SV2B: variants seen among roughly 807,000 people sequenced by gnomAD.
The protein encoded by SV2B is solute carrier family 22 member B2.
A neutral mutation model predicts 73.9 loss-of-function variants in SV2B; 41 were observed. That is an observed-to-expected ratio of 0.56 (90% CI 0.43 to 0.72). The LOEUF is 0.72. Ranked by LOEUF, SV2B falls within the 30% of genes least tolerant of loss-of-function variation. The probability of loss-of-function intolerance (pLI) is 0.00; values close to 1 mark genes in which losing one functional copy is unlikely to be tolerated. For missense variants in SV2B, 764 were observed against 857.8 expected, an observed-to-expected ratio of 0.89 and a Z score of 1.37; for synonymous variants, 314 against 314.2, an observed-to-expected ratio of 1.00 and a Z score of 0.01.
Position 91,176,293 on chromosome 15 carries a change from T to C in SV2B, c.-391-49580T>C, listed in dbSNP as rs1382612427. 8.5e-5 allele frequency among the ~76,000 whole-genome samples: 13 copies of C among 152,290 alleles called. No individual in the cohort carries two copies. The East Asian group carries it at 2.1e-3, about 25-fold the overall frequency. ...ATTTTCTTAATACAGTCTATCATTG[T>C]TGGACATTTGGGTTGGTTCCAAGTC... On this transcript the variant is annotated intron_variant, in intron 1 of 12. Transcript: ENST00000394232.
intron 1 of SV2B, among the ~76,000 whole-genome samples, chr15:91,107,237 G>C (rs562278899): frequency 6.6e-6 from 1 of 152,328 alleles, no homozygotes; most frequent in Non-Finnish European, 1.5e-5. Flanking sequence ...GGATGGAGCA[G>C]TGGGCTTTAG....
At chr15:91,213,261 T>A (rs1173550202) in intron 1 of SV2B, among the ~76,000 whole-genome samples, 2 of 152,178 alleles carry the variant, frequency 1.3e-5, no homozygotes, top group Non-Finnish European at 2.9e-5. Context: ...AATAGACTCA[T>A]GGGCACATTT....
At chr15:91,215,007 G>A (rs566502153) in intron 1 of SV2B, among the ~76,000 whole-genome samples, 2 of 152,302 alleles carry the variant, frequency 1.3e-5, no homozygotes, top group South Asian at 2.1e-4. Context: ...CAGGGTAAAC[G>A]GCCTTCGCAG....
intron 2 of SV2B, among the ~76,000 whole-genome samples, chr15:91,244,931 C>G (rs2047164989): frequency 6.6e-6 from 1 of 152,166 alleles, no homozygotes; most frequent in African/African-American, 2.4e-5. Context: ...GAAAAAGAAG[C>G]TCATAATCCT....
chr15:91,199,273 C>G (rs182782125), intron 1 of SV2B, among the ~76,000 whole-genome samples: 1 of 152,166 alleles, frequency 6.6e-6, no homozygotes, highest in Admixed American at 6.5e-5. Flanking sequence ...ACCCGTCACT[C>G]TCTGGGGGAA....
Position 91,268,384 on chromosome 15 carries a change from T to C in SV2B, c.1209-57T>C, listed in dbSNP as rs2048177443. On this transcript the variant is annotated intron_variant, in intron 8 of 12. Coordinates refer to ENST00000394232, the MANE Select transcript of SV2B (RefSeq NM_001323032.3). This position sits in a 1 kb window ranked among gnomAD's most constrained non-coding sequence, Gnocchi z 4.4. The stretch of plus-strand genomic sequence containing the variant: ...TGCATCAAGTCAAGAGTGTAGACCC[T>C]GATCATGAAAGAATGAATCCTGTTG... 1.9e-6 allele frequency: 3 copies of C among 1,553,302 alleles called. No homozygotes were observed. In the East Asian group the frequency reaches 6.8e-5, roughly 35 times the overall value.
chr15:91,282,975 G>C (rs1401361181), intron 10 of SV2B, among the ~76,000 whole-genome samples: 1 of 152,156 alleles, frequency 6.6e-6, no homozygotes, highest in Non-Finnish European at 1.5e-5. Flanking sequence ...CTCCTCATTT[G>C]AATACTCTTA....
At chr15:91,222,944 G>A (rs527297276) in intron 1 of SV2B, among the ~76,000 whole-genome samples, 38 of 152,210 alleles carry the variant, frequency 2.5e-4, no homozygotes, top group African/African-American at 6.3e-4. Flanking sequence ...GAATGTATTC[G>A]TTTCCTGGGC....
Position 91,224,278 on chromosome 15 carries a change from G to T in SV2B, c.-391-1595G>T, listed in dbSNP as rs2046306321. 2.0e-5 allele frequency among the ~76,000 whole-genome samples: 3 copies of T among 152,350 alleles called. No individual in the cohort carries two copies. Among genetic ancestry groups the T allele is most frequent in the South Asian group, 4.1e-4 (2 of 4,830 alleles). On this transcript the variant is annotated intron_variant, in intron 1 of 12. Coordinates refer to ENST00000394232, the MANE Select transcript of SV2B (RefSeq NM_001323032.3). This position sits in a 1 kb window ranked among gnomAD's most constrained non-coding sequence, Gnocchi z 4.9. Reference sequence around the variant, plus strand: ...CAGGTGTGACAGGGAGGCCTGTAAAGGTTGATGGGGTCTGTACTGTGGGCA... The same window carrying T: ...CAGGTGTGACAGGGAGGCCTGTAAATGTTGATGGGGTCTGTACTGTGGGCA...
rs2041993977 is a variant in SV2B at position 91,110,006 on chromosome 15, T to C, written c.-392+9643T>C. Among the ~76,000 whole-genome samples, 1 of 152,196 alleles carries C rather than the reference T, an allele frequency of 6.6e-6. No homozygotes were observed. The highest frequency in any genetic ancestry group is 1.5e-5 in the Non-Finnish European group (1 of 68,034). ...TCCCAAAGTGCTGGGATTACAGGCA[T>C]GAACCACTGCATCCACCTCGGAAAT... On this transcript the variant is annotated intron_variant, in intron 1 of 12. Transcript: ENST00000394232. The surrounding 1 kb of genome is among the most constrained non-coding windows in gnomAD (Gnocchi z 5.4).
intron 4 of SV2B, among the ~76,000 whole-genome samples, chr15:91,257,714 G>T (rs555507612): frequency 6.6e-6 from 1 of 152,188 alleles, no homozygotes; most frequent in Non-Finnish European, 1.5e-5. Flanking sequence ...GCCCTGGGTC[G>T]TATGAGGCCC....
In SV2B at chr15:91,302,135, T is replaced by C. The variant is rs1406476547; in HGVS notation, c.*9583T>C. 6.6e-5 allele frequency among the ~76,000 whole-genome samples: 10 copies of C among 152,340 alleles called. No homozygotes were observed. The South Asian group carries it at 1.2e-3, about 19-fold the overall frequency. On this transcript the variant is annotated 3_prime_UTR_variant, in exon 13 of 13. Coordinates refer to ENST00000394232, the MANE Select transcript of SV2B (RefSeq NM_001323032.3). ...TAAAACCCTCATTTTCCCTATGCAT[T>C]GTGACTAACACAGTATTTGATACGT...
At chr15:91,161,475 A>G (rs1401443473) in intron 1 of SV2B, among the ~76,000 whole-genome samples, 2 of 152,248 alleles carry the variant, frequency 1.3e-5, no homozygotes, top group Non-Finnish European at 2.9e-5. Context: ...AAAGATTTTA[A>G]AATGTAACAA....
At chr15:91,277,860 T>C (rs2048544148) in intron 9 of SV2B, among the ~76,000 whole-genome samples, 1 of 152,248 alleles carries the variant, frequency 6.6e-6, no homozygotes, top group Non-Finnish European at 1.5e-5. Context: ...TTTTGTTCTA[T>C]GTTCTATGCT....
intron 1 of SV2B, among the ~76,000 whole-genome samples, chr15:91,207,844 C>T (rs2045700750): frequency 6.6e-6 from 1 of 152,158 alleles, no homozygotes; most frequent in Non-Finnish European, 1.5e-5. Flanking sequence ...TCAGTTTCTT[C>T]TTGACAACCT....
Position 91,226,238 on chromosome 15 carries a change from C to T in SV2B, c.-26C>T. 1 of 1,612,118 alleles carries T rather than the reference C, an allele frequency of 6.2e-7. No homozygotes were observed. The highest frequency in any genetic ancestry group is 1.1e-5 in the South Asian group (1 of 90,878). On this transcript the variant is annotated 5_prime_UTR_variant, in exon 2 of 13. Coordinates refer to ENST00000394232, the MANE Select transcript of SV2B (RefSeq NM_001323032.3). ...AGAGCGAGGGATATAGCTCAAGGGG[C>T]AACCAGGCAGTCGCAGAACCAAGGA... is the stretch of plus-strand genomic sequence containing the variant.
chr15:91,254,604 A>C (rs1286513866), intron 4 of SV2B, among the ~76,000 whole-genome samples: 1 of 152,212 alleles, frequency 6.6e-6, no homozygotes, highest in African/African-American at 2.4e-5. Context: ...ATCTAAATAA[A>C]AGCTGAATCC....
At position 91,136,258 on chromosome 15, in the gene SV2B, A is replaced by G. The variant is rs557748407; in HGVS notation, c.-392+35895A>G. 1.7e-4 allele frequency among the ~76,000 whole-genome samples: 26 copies of G among 152,334 alleles called. No individual in the cohort carries two copies. Among genetic ancestry groups the G allele is most frequent in the Admixed American group, 1.3e-3 (20 of 15,294 alleles). On this transcript the variant is annotated intron_variant, in intron 1 of 12. Coordinates refer to ENST00000394232, the MANE Select transcript of SV2B (RefSeq NM_001323032.3). This position sits in a 1 kb window ranked among gnomAD's most constrained non-coding sequence, Gnocchi z 5.6. ...AGGTGGGCATACTCAGATGCAGTGT[A>G]GCATAGGTATAAACCTCAGATTAGT...
rs964193720 is a variant in SV2B at position 91,239,345 on chromosome 15, G to A, written c.452-12474G>A. ...CCTTGTCCTCTCTGCCTCACCTCTC[G>A]GTGGGTCCTAGAAAAGGAAGTCTTG... On this transcript the variant is annotated intron_variant, in intron 2 of 12. Transcript: ENST00000394232. This position sits in a 1 kb window ranked among gnomAD's most constrained non-coding sequence, Gnocchi z 5.1. Among the ~76,000 whole-genome samples, 5 of 151,952 alleles carry A rather than the reference G, an allele frequency of 3.3e-5. No homozygotes were observed. The highest frequency in any genetic ancestry group is 5.9e-5 in the Non-Finnish European group (4 of 67,968).
Sources: allele counts gnomAD v4.1 joint callset (sites outside exome capture counted in the v4.1 genomes callset), GRCh38; gene constraint gnomAD v4.1.1; non-coding constraint Gnocchi (gnomAD v3.1); transcripts MANE v1.5; gene names NCBI Gene and HGNC (gene_info 2026-07-23, HGNC 2026-07-21).